The following RAB5B variants were observed in gnomAD, a reference collection of about 807,000 sequenced individuals.
The protein encoded by RAB5B is ras-related protein Rab-5B.
Under a neutral mutation model 28.6 loss-of-function variants are expected in RAB5B, and 11 were observed. The ratio of observed to expected loss-of-function variants is 0.38; its 90% CI spans 0.24 to 0.64. RAB5B has a LOEUF of 0.64. Among genes scored for constraint, RAB5B ranks in the 30% least tolerant of loss-of-function variants. RAB5B has a pLI of 0.53. For missense variants in RAB5B, 169 were observed against 265.6 expected (o/e 0.64, Z 2.53); for synonymous variants, 93 against 97.9 (o/e 0.95, Z 0.29).
intron 2 of RAB5B, among the ~76,000 whole-genome samples, chr12:55,987,517 G>A (rs17118208): frequency 0.075 from 11,338 of 152,040 alleles, 470 homozygotes; most frequent in Non-Finnish European, 0.081. Context: ...GGCCCTCTTA[G>A]TCCCATTCTT....
chr12:55,978,085 A>G (rs1006250648), intron 1 of RAB5B, among the ~76,000 whole-genome samples: 33 of 152,346 alleles, frequency 2.2e-4, no homozygotes, highest in African/African-American at 7.5e-4. Flanking sequence ...GTGACAGGAA[A>G]AGCAGTTAGC....
chr12:55,980,901 A>G (rs1347685454), intron 1 of RAB5B: 1 of 1,613,270 alleles, frequency 6.2e-7, no homozygotes, highest in African/African-American at 1.3e-5. Flanking sequence ...CGGATCTTGA[A>G]ATCAATTCCG....
chr12:55,984,933 G>A (rs1889912934), intron 1 of RAB5B, among the ~76,000 whole-genome samples: 1 of 152,296 alleles, frequency 6.6e-6, no homozygotes, highest in African/African-American at 2.4e-5. Context: ...GCTTAGAGAG[G>A]TAGAGAAATT....
chr12:55,991,121 AACTT>A, intron 4 of RAB5B: 2 of 544,764 alleles, frequency 3.7e-6, no homozygotes, highest in South Asian at 4.5e-5. Flanking sequence ...GCCCCCAACT[AACTT>A]ACCCTCTCCC....
chr12:55,980,940 T>C, intron 1 of RAB5B: 1 of 1,613,856 alleles, frequency 6.2e-7, no homozygotes. Context: ...TTGTTGAAGT[T>C]GTCCTCTGCA....
intron 1 of RAB5B, among the ~76,000 whole-genome samples, chr12:55,984,728 A>G (rs947401094): frequency 1.3e-5 from 2 of 151,814 alleles, no homozygotes; most frequent in African/African-American, 2.4e-5. Flanking sequence ...GATCCACCTC[A>G]GCCTCCCAAA....
chr12:55,992,013 C>T lies in RAB5B; in HGVS notation c.533-84C>T, dbSNP rs560065749. 1.2e-5 allele frequency: 11 copies of T among 951,852 alleles called. No individual in the cohort carries two copies. In the African/African-American group the frequency reaches 1.5e-4, roughly 13 times the overall value. 59.0% of individuals were successfully genotyped at this position (951,852 alleles called of 1,614,324 possible). The stretch of plus-strand genomic sequence containing the variant: ...CTCAAATTCTCCCTTTTCCCCAATT[C>T]AGTAGCCGTTTTTGGCGGGTGGAGG... On this transcript the variant is annotated intron_variant, in intron 5 of 5. Coordinates refer to ENST00000360299, the MANE Select transcript of RAB5B (RefSeq NM_002868.4).
In RAB5B at chr12:55,992,319, C is replaced by T; in HGVS notation, c.*107C>T. ...CCCTACGGTAACAGCACACTGAGCCCTGGCTCCCAAGGGCTGCCTCCTGAC... is the reference window on the plus strand; with the variant it reads ...CCCTACGGTAACAGCACACTGAGCCTTGGCTCCCAAGGGCTGCCTCCTGAC... On this transcript the variant is annotated 3_prime_UTR_variant, in exon 6 of 6. Transcript: ENST00000360299. 9.9e-7 allele frequency: 1 copy of T among 1,011,192 alleles called. No individual in the cohort carries two copies. The highest frequency in any genetic ancestry group is 1.5e-6 in the Non-Finnish European group (1 of 667,390). 62.6% of individuals were successfully genotyped at this position (1,011,192 alleles called of 1,614,324 possible).
At chr12:55,978,072 C>T (rs967321267) in intron 1 of RAB5B, among the ~76,000 whole-genome samples, 4 of 152,154 alleles carry the variant, frequency 2.6e-5, no homozygotes, top group Non-Finnish European at 5.9e-5. Context: ...GGCATAGTAA[C>T]GGGTGACAGG....
chr12:55,985,721 A>G (rs1889934522), intron 1 of RAB5B: 2 of 455,908 alleles, frequency 4.4e-6, no homozygotes, highest in Non-Finnish European at 8.8e-6. Flanking sequence ...ATGTCTTTAG[A>G]AGGTATACCT....
At chr12:55,975,213 C>A (rs1189119215) in intron 1 of RAB5B, among the ~76,000 whole-genome samples, 1 of 152,154 alleles carries the variant, frequency 6.6e-6, no homozygotes, top group Non-Finnish European at 1.5e-5. Context: ...ATCTTCTGAT[C>A]ATAGTTGGTG....
intron 4 of RAB5B, 184 bp downstream of exon 4, chr12:55,990,988 C>T: frequency 1.3e-6 from 1 of 759,242 alleles, no homozygotes; most frequent in Non-Finnish European, 2.0e-6. Context: ...TCAAAGGAGT[C>T]AGGAGAAAAC....
chr12:55,978,753 A>G (rs79837867), intron 1 of RAB5B, among the ~76,000 whole-genome samples: 6 of 151,770 alleles, frequency 4.0e-5, no homozygotes, highest in Non-Finnish European at 7.4e-5. Flanking sequence ...AATGTGATAC[A>G]TACTATTATA....
rs1429557478 is a variant in RAB5B, at chr12:55,995,986, T to TATATATATAC, written c.*3783_*3784insCATATATATA. The TATATATATAC allele has an allele frequency of 7.7e-5, 8 of 104,028 alleles. No homozygotes were observed. The East Asian group carries it at 1.2e-3, about 15-fold the overall frequency. 6.4% of individuals were successfully genotyped at this position (104,028 alleles called of 1,614,324 possible). A position where few individuals can be genotyped will look rare whatever the true frequency, so the allele number is the denominator to read the frequency against. On this transcript the variant is annotated 3_prime_UTR_variant, in exon 6 of 6. Transcript: ENST00000360299. ...CTCTCTCTCTCCATATATATATACATATATATATATATATATATTTTTTTT... is the reference window on the plus strand; with the variant it reads ...CTCTCTCTCTCCATATATATATACATATATATATACATATATATATATATATATTTTTTTT...
In RAB5B at chr12:55,996,289, C is replaced by G. The variant is rs750403770; in HGVS notation, c.*4077C>G. The G allele has an allele frequency of 6.6e-6, 1 of 152,006 alleles. No homozygotes were observed. Among genetic ancestry groups the G allele is most frequent in the African/African-American group, 2.4e-5 (1 of 41,338 alleles). The allele number at this position is 152,006 out of a possible 1,614,324, so 9.4% of individuals were successfully genotyped here. ...AAACTGATTAAAATTGCAGCTCCAC[C>G]GTCCGGCCTCTAGAGGGCAGTGTAT... is the stretch of plus-strand genomic sequence containing the variant. On this transcript the variant is annotated 3_prime_UTR_variant, in exon 6 of 6. Coordinates refer to ENST00000360299, the MANE Select transcript of RAB5B (RefSeq NM_002868.4).
intron 1 of RAB5B, chr12:55,980,920 G>A (rs1889787791): frequency 6.2e-7 from 1 of 1,613,208 alleles, no homozygotes; most frequent in African/African-American, 1.3e-5. Flanking sequence ...CGATGGTGGA[G>A]ATGTAAGTGT....
In RAB5B at chr12:55,981,162, C is replaced by A. The variant is rs148887433; in HGVS notation, c.-92-5707C>A. The A allele has an allele frequency of 8.3e-4, 634 of 767,790 alleles. 5 individuals are homozygous for A. The East Asian group carries it at 9.9e-3, about 12-fold the overall frequency. The allele number at this position is 767,790 out of a possible 1,614,324, so 47.6% of individuals were successfully genotyped here. A position where few individuals can be genotyped will look rare whatever the true frequency, so the allele number is the denominator to read the frequency against. On this transcript the variant is annotated intron_variant, in intron 1 of 5. Coordinates refer to ENST00000360299, the MANE Select transcript of RAB5B (RefSeq NM_002868.4). Reference sequence around the variant, plus strand: ...CACTGCTACCTCTGCCTCCCAGGTTCAAGCAATTCTCGTGCCTCAGCCTCC... The same window carrying A: ...CACTGCTACCTCTGCCTCCCAGGTTAAAGCAATTCTCGTGCCTCAGCCTCC...
At chr12:55,978,658 G>A (rs1335399336) in intron 1 of RAB5B, among the ~76,000 whole-genome samples, 1 of 152,100 alleles carries the variant, frequency 6.6e-6, no homozygotes, top group Non-Finnish European at 1.5e-5. Flanking sequence ...AGCATGCTGT[G>A]CTCTGAAGAT....
Position 55,991,454 on chromosome 12 carries a change from G to C in RAB5B, c.532+1G>C, listed in dbSNP as rs1188454297. The stretch of plus-strand genomic sequence containing the variant: ...GTGAATGATCTCTTCCTGGCAATAG[G>C]TAAGGTCAGAACATCCTGAGGTCCT... On this transcript the variant is annotated splice_donor_variant, in intron 5 of 5. Transcript: ENST00000360299. LOFTEE classifies it high-confidence loss of function. 3 of 1,611,492 alleles carry C rather than the reference G, an allele frequency of 1.9e-6. No homozygotes were observed. The highest frequency in any genetic ancestry group is 2.5e-6 in the Non-Finnish European group (3 of 1,177,642).
Sources: allele counts gnomAD v4.1 joint callset (sites outside exome capture counted in the v4.1 genomes callset), GRCh38; gene constraint gnomAD v4.1.1; transcripts MANE v1.5; gene names NCBI Gene and HGNC (gene_info 2026-07-23, HGNC 2026-07-21).